Variants in SUFU observed in about 807,000 individuals in gnomAD.
SUFU encodes suppressor of fused homolog.
In SUFU, 7 loss-of-function variants were observed where a neutral mutation model predicts 58.9. That is an observed-to-expected ratio of 0.12 (90% CI 0.07 to 0.22). The LOEUF is 0.22. Ranked by LOEUF, SUFU falls within the 10% of genes least tolerant of loss-of-function variation. The pLI, the probability that SUFU is intolerant of heterozygous loss-of-function variation, is 1.00. For missense variants in SUFU, 451 were observed against 641.3 expected (o/e 0.70, Z 3.20); for synonymous variants, 232 against 254.8 (o/e 0.91, Z 0.85).
At chr10:102,503,541 C>T (rs971495096), upstream of SUFU, among the ~76,000 whole-genome samples, 3 of 152,072 alleles carry the variant, frequency 2.0e-5, no homozygotes, top group African/African-American at 7.2e-5. Context: ...ATGTTCTCCC[C>T]CAGCCCCCTT....
intron 2 of SUFU, among the ~76,000 whole-genome samples, chr10:102,518,458 C>T (rs1241943205): frequency 6.6e-6 from 1 of 152,086 alleles, no homozygotes; most frequent in Non-Finnish European, 1.5e-5. Flanking sequence ...CCAGAAAGTG[C>T]TTTGTGGGGG....
intron 2 of SUFU, among the ~76,000 whole-genome samples, chr10:102,544,704 C>T (rs2062835557): frequency 6.6e-6 from 1 of 152,046 alleles, no homozygotes; most frequent in Admixed American, 6.6e-5. Flanking sequence ...GTTTCAAAAA[C>T]AACAACAACA....
intron 2 of SUFU, among the ~76,000 whole-genome samples, chr10:102,527,498 G>GATATAC (rs2062624832): frequency 6.7e-6 from 1 of 148,266 alleles, no homozygotes; most frequent in Non-Finnish European, 1.5e-5. Flanking sequence ...ATACCATTAA[G>GATATAC]ATATATATAT....
At chr10:102,581,216 AAGAAG>A (rs1590050857) in intron 3 of SUFU, among the ~76,000 whole-genome samples, 1 of 110,984 alleles carries the variant, frequency 9.0e-6, no homozygotes, top group African/African-American at 3.3e-5. Context: ...AAAAAAGAAG[AAGAAG>A]AAATTAGGCA....
chr10:102,542,235 C>T (rs1464747565), intron 2 of SUFU, among the ~76,000 whole-genome samples: 11 of 150,930 alleles, frequency 7.3e-5, no homozygotes, highest in Non-Finnish European at 1.5e-4. Context: ...CGGATTCAAG[C>T]GATTCTCCTG....
intron 3 of SUFU, among the ~76,000 whole-genome samples, chr10:102,562,870 G>A (rs537619939): frequency 3.3e-5 from 5 of 152,304 alleles, no homozygotes; most frequent in South Asian, 2.1e-4. Context: ...TAGCCTGGGC[G>A]ACAGAGTGAG....
At chr10:102,612,094 T>C (rs1317904148) in intron 8 of SUFU, among the ~76,000 whole-genome samples, 1 of 152,084 alleles carries the variant, frequency 6.6e-6, no homozygotes, top group African/African-American at 2.4e-5. Context: ...ATTTAATACC[T>C]CACCTAGCCC....
intron 3 of SUFU, among the ~76,000 whole-genome samples, chr10:102,584,276 C>T (rs1226476760): frequency 6.6e-6 from 1 of 152,230 alleles, no homozygotes; most frequent in African/African-American, 2.4e-5. Flanking sequence ...CAGGCGATTT[C>T]AGCTGGTAAC....
At chr10:102,627,629 G>A (rs1470307617) in intron 11 of SUFU, among the ~76,000 whole-genome samples, 1 of 152,208 alleles carries the variant, frequency 6.6e-6, no homozygotes, top group East Asian at 1.9e-4. Context: ...CATGTCTGTT[G>A]CCAGAGAACA....
At chr10:102,573,381 T>G (rs1351927518) in intron 3 of SUFU, among the ~76,000 whole-genome samples, 22 of 152,236 alleles carry the variant, frequency 1.4e-4, no homozygotes, top group Admixed American at 1.4e-3. Flanking sequence ...TGTACACTGT[T>G]GATAGGAATG....
At chr10:102,570,159 C>A (rs968043711) in intron 3 of SUFU, among the ~76,000 whole-genome samples, 1 of 152,090 alleles carries the variant, frequency 6.6e-6, no homozygotes, top group Non-Finnish European at 1.5e-5. Flanking sequence ...CTGGCCCAGG[C>A]GCTTGTAGAG....
intron 11 of SUFU, among the ~76,000 whole-genome samples, chr10:102,627,474 AC>A (rs1410947514): frequency 6.6e-6 from 1 of 152,140 alleles, no homozygotes; most frequent in Non-Finnish European, 1.5e-5. Context: ...CCCCTGCCCT[AC>A]CCCCAGCCCT....
chr10:102,630,057 C>T lies in SUFU; in HGVS notation c.1366-9C>T. On this transcript the variant is annotated splice_polypyrimidine_tract_variant and intron_variant, in intron 11 of 11. Transcript: ENST00000369902. ...TCACACTCCTGGTCTGTGCTTGCTC[C>T]CTCCACAGTTCAAACTTCCCAAAGA... 5.6e-6 allele frequency: 9 copies of T among 1,613,636 alleles called. No homozygotes were observed. The highest frequency in any genetic ancestry group is 7.6e-6 in the Non-Finnish European group (9 of 1,179,538).
At chr10:102,530,346 TC>T (rs1309496082) in intron 2 of SUFU, among the ~76,000 whole-genome samples, 1 of 151,828 alleles carries the variant, frequency 6.6e-6, no homozygotes, top group African/African-American at 2.4e-5. Context: ...CTTCCCAACT[TC>T]CCTGTCTCTA....
chr10:102,581,658 C>T (rs1051565312), intron 3 of SUFU, among the ~76,000 whole-genome samples: 33 of 152,318 alleles, frequency 2.2e-4, no homozygotes, highest in African/African-American at 7.7e-4. Flanking sequence ...GTGTCGGCTT[C>T]ATCCTGGGAC....
rs189273320 is a variant in SUFU at position 102,576,712 on chromosome 10, T to G, written c.455-15870T>G. Among the ~76,000 whole-genome samples the G allele has an allele frequency of 9.1e-4, 139 of 152,300 alleles. 1 individual carries two copies. The highest frequency in any genetic ancestry group is 3.3e-3 in the African/African-American group (138 of 41,558). On this transcript the variant is annotated intron_variant, in intron 3 of 11. Transcript: ENST00000369902. ...ATAGGTCCATGGCAACTAAATGTTTTGTTTTGTTTTGCAGTGACAGGGTCT... is the reference window on the plus strand; with the variant it reads ...ATAGGTCCATGGCAACTAAATGTTTGGTTTTGTTTTGCAGTGACAGGGTCT...
intron 3 of SUFU, among the ~76,000 whole-genome samples, chr10:102,586,678 A>G (rs1177066085): frequency 6.6e-6 from 1 of 152,274 alleles, no homozygotes; most frequent in East Asian, 1.9e-4. Context: ...GTCTCAAAAA[A>G]AAAGAAATTG....
In SUFU at chr10:102,510,714, C is replaced by T. The variant is rs143349118; in HGVS notation, c.317+1411C>T. Among the ~76,000 whole-genome samples, 1,212 of 152,062 alleles carry T rather than the reference C, an allele frequency of 8.0e-3. 15 individuals are homozygous for T. The highest frequency in any genetic ancestry group is 0.027 in the African/African-American group (1,139 of 41,510). On this transcript the variant is annotated intron_variant, in intron 2 of 11. Coordinates refer to ENST00000369902, the MANE Select transcript of SUFU (RefSeq NM_016169.4). Reference sequence around the variant, plus strand: ...AGCATGTGCCTGTACTCCCAACTACCCCGGAGGCTGAGGCACGAGAATCAC... The same window carrying T: ...AGCATGTGCCTGTACTCCCAACTACTCCGGAGGCTGAGGCACGAGAATCAC...
chr10:102,551,620 A>C (rs570313684), intron 3 of SUFU, among the ~76,000 whole-genome samples: 146 of 151,270 alleles, frequency 9.7e-4, no homozygotes, highest in Non-Finnish European at 1.8e-3. Flanking sequence ...CCTGGGCAAC[A>C]GAGCAAGACT....
Sources: gnomAD v4.1 joint callset for allele counts (sites outside exome capture counted in the v4.1 genomes callset) on GRCh38, gnomAD v4.1.1 for gene constraint, MANE v1.5 for transcripts, NCBI Gene and HGNC (gene_info 2026-07-23, HGNC 2026-07-21) for gene names.